Variants in CHRNA6 observed in about 807,000 individuals in gnomAD.
CHRNA6 encodes the protein neuronal acetylcholine receptor subunit alpha-6.
Under a neutral mutation model 40.9 loss-of-function variants are expected in CHRNA6, and 31 were observed. The ratio of observed to expected loss-of-function variants is 0.76; its 90% CI spans 0.57 to 1.02. The LOEUF (loss-of-function observed/expected upper bound fraction) is 1.02, where lower values mean the gene tolerates loss of function less well. Among genes scored for constraint, CHRNA6 ranks in the 50% least tolerant of loss-of-function variants. The pLI is 0.00. For missense variants in CHRNA6, 546 were observed against 596.6 expected (o/e 0.92, Z 0.88); for synonymous variants, 222 against 221.3 (o/e 1.00, Z -0.03).
chr8:42,761,433 G>C (rs1195895833), intron 2 of CHRNA6, among the ~76,000 whole-genome samples: 1 of 152,260 alleles, frequency 6.6e-6, no homozygotes, highest in African/African-American at 2.4e-5. Flanking sequence ...CTCGGTTCCA[G>C]GAAGGCCTTG....
At chr8:42,759,936 G>A (rs577841186) in intron 2 of CHRNA6, among the ~76,000 whole-genome samples, 1 of 151,330 alleles carries the variant, frequency 6.6e-6, no homozygotes, top group African/African-American at 2.4e-5. Context: ...CCACCATGGG[G>A]TTTCCAGCTG....
In CHRNA6 at chr8:42,759,133, C is replaced by A; in HGVS notation, c.220-20G>T. On this transcript the variant is annotated intron_variant, in intron 2 of 5. Coordinates refer to ENST00000276410, the MANE Select transcript of CHRNA6 (RefSeq NM_004198.3). The stretch of plus-strand genomic sequence containing the variant: ...TTCATCCTGGGAAGAAGAAATAATA[C>A]TTTTAGCCTCAAATGTGCTTGCCAT... The A allele has an allele frequency of 3.1e-6, 5 of 1,607,736 alleles. No individual in the cohort carries two copies. Among genetic ancestry groups the A allele is most frequent in the Non-Finnish European group, 3.4e-6 (4 of 1,174,178 alleles).
intron 2 of CHRNA6, among the ~76,000 whole-genome samples, chr8:42,759,847 C>T (rs879930436): frequency 4.7e-5 from 7 of 147,424 alleles, no homozygotes; most frequent in East Asian, 2.0e-4. Context: ...TTGCAGTGAG[C>T]GGAGATCGTG....
rs200609466 is a variant in CHRNA6 at position 42,768,647 on chromosome 8, CTGA to C, written c.-220_-218del. 4,556 of 475,280 alleles carry C rather than the reference CTGA, an allele frequency of 9.6e-3. 38 individuals carry two copies. The highest frequency in any genetic ancestry group is 0.013 in the Non-Finnish European group (3,356 of 263,450). The allele number at this position is 475,280 out of a possible 1,614,324, so 29.4% of individuals were successfully genotyped here. A position where few individuals can be genotyped will look rare whatever the true frequency, so the allele number is the denominator to read the frequency against. On this transcript the variant is annotated 5_prime_UTR_variant, in exon 1 of 6. Transcript: ENST00000276410. Reference sequence around the variant, plus strand: ...GAAGGGCGAATAAAAAAGATTCGATCTGATGTCAGATGAGTCATCACATTTCCT... The same window carrying C: ...GAAGGGCGAATAAAAAAGATTCGATCTGTCAGATGAGTCATCACATTTCCT...
rs201227941 is a variant in CHRNA6, at chr8:42,768,462, G to A, written c.-32C>T. The A allele has an allele frequency of 6.4e-7, 1 of 1,572,826 alleles. No individual in the cohort carries two copies. On this transcript the variant is annotated 5_prime_UTR_variant, in exon 1 of 6. Transcript: ENST00000276410. ...AACACACTTGGATTCCTTTTTCCTA[G>A]GCAAAGGATTGTGGAAAACAAAGAG...
rs980873393 is a variant in CHRNA6 at position 42,753,033 on chromosome 8, G to T, written c.*146C>A. 8 of 667,360 alleles carry T rather than the reference G, an allele frequency of 1.2e-5. No homozygotes were observed. The highest frequency in any genetic ancestry group is 1.7e-5 in the Non-Finnish European group (7 of 401,358). 41.3% of individuals were successfully genotyped at this position (667,360 alleles called of 1,614,324 possible). ...TGGAGGATATTCTGCTTCCTAATGTGCAAGAAAGTCCTCTTTTTCCATGTA... is the reference window on the plus strand; with the variant it reads ...TGGAGGATATTCTGCTTCCTAATGTTCAAGAAAGTCCTCTTTTTCCATGTA... On this transcript the variant is annotated 3_prime_UTR_variant, in exon 6 of 6. Transcript: ENST00000276410.
chr8:42,757,622 A>T (rs1816825200), intron 3 of CHRNA6, among the ~76,000 whole-genome samples: 1 of 149,186 alleles, frequency 6.7e-6, no homozygotes, highest in Non-Finnish European at 1.5e-5. Context: ...AGTCCCAGCT[A>T]CTCCGGAGGC....
In CHRNA6 at chr8:42,756,103, C is replaced by T. The variant is rs1816794688; in HGVS notation, c.1096G>A (p.Gly366Ser). 2.0e-5 allele frequency: 33 copies of T among 1,614,266 alleles called. No individual in the cohort carries two copies. The highest frequency in any genetic ancestry group is 2.8e-5 in the Non-Finnish European group (33 of 1,180,046). ...AGGCCTCTGGGCACTGCATCAGAGC[C>T]TGTGCCCCTTGTCTTGTCCAGAGGC... ...RWPLDKTRGT[G>S]SDAVPRGLAR... Residue 366 changes from glycine to serine, a missense_variant, in exon 5 of 6, where the codon GGC (glycine) becomes AGC (serine). By Grantham distance (56) the Gly-to-Ser change is moderately conservative (BLOSUM62 0). Around this residue, in one of 3 missense-constraint regions of CHRNA6, gnomAD observed 476 missense variants for 494.5 expected, o/e 0.96. Coordinates refer to ENST00000276410, the MANE Select transcript of CHRNA6 (RefSeq NM_004198.3).
chr8:42,760,740 G>A (rs775822630), intron 2 of CHRNA6, among the ~76,000 whole-genome samples: 16 of 152,346 alleles, frequency 1.1e-4, no homozygotes, highest in South Asian at 1.0e-3. Context: ...AGGAGGTAAT[G>A]TTTAAGCAGA....
rs1554594122 is a variant in CHRNA6 at position 42,757,568 on chromosome 8, CA to C, written c.265-532del. Among the ~76,000 whole-genome samples, 625 of 115,110 alleles carry C rather than the reference CA, an allele frequency of 5.4e-3. 1 individual carries two copies. Among genetic ancestry groups the C allele is most frequent in the East Asian group, 0.014 (54 of 3,876 alleles). The allele number at this position is 115,110 out of a possible 152,430, so 75.5% of individuals were successfully genotyped here. A position where few individuals can be genotyped will look rare whatever the true frequency, so the allele number is the denominator to read the frequency against. ...TGAAACCCCATTTTTACTAAAAATA[CA>C]AAAAAAAAAAAAAATTAGCCAGGCA... is the stretch of plus-strand genomic sequence containing the variant. On this transcript the variant is annotated intron_variant, in intron 3 of 5. Coordinates refer to ENST00000276410, the MANE Select transcript of CHRNA6 (RefSeq NM_004198.3).
chr8:42,758,422 G>A (rs1213832060), intron 3 of CHRNA6, among the ~76,000 whole-genome samples: 1 of 151,336 alleles, frequency 6.6e-6, no homozygotes, highest in Non-Finnish European at 1.5e-5. Flanking sequence ...ATGTAGTGGT[G>A]CAATCTCAGC....
At position 42,755,178 on chromosome 8, in the gene CHRNA6, C is replaced by T. The variant is rs567645362; in HGVS notation, c.1353+668G>A. On this transcript the variant is annotated intron_variant, in intron 5 of 5. Transcript: ENST00000276410. ...GGACTACAGGTATGCACCAACACGC[C>T]TGCTAATTTTTTTTTTTTTTTTGGT... Among the ~76,000 whole-genome samples, 5 of 138,854 alleles carry T rather than the reference C, an allele frequency of 3.6e-5. No homozygotes were observed. In the East Asian group the frequency reaches 9.9e-4, roughly 28 times the overall value. 91.1% of individuals were successfully genotyped at this position (138,854 alleles called of 152,430 possible). A position where few individuals can be genotyped will look rare whatever the true frequency, so the allele number is the denominator to read the frequency against.
intron 5 of CHRNA6, among the ~76,000 whole-genome samples, chr8:42,754,382 C>T (rs1816762339): frequency 6.6e-6 from 1 of 152,134 alleles, no homozygotes; most frequent in Non-Finnish European, 1.5e-5. Context: ...GTTGCCCAGG[C>T]TGGTCTCAAA....
intron 5 of CHRNA6, among the ~76,000 whole-genome samples, chr8:42,755,479 G>A (rs1323620569): frequency 6.6e-6 from 1 of 152,160 alleles, no homozygotes; most frequent in Non-Finnish European, 1.5e-5. Flanking sequence ...GTTTCCCCAT[G>A]TTGGCCATGC....
At chr8:42,755,080 G>A (rs1036908221) in intron 5 of CHRNA6, among the ~76,000 whole-genome samples, 9 of 142,134 alleles carry the variant, frequency 6.3e-5, no homozygotes, top group South Asian at 2.2e-4. Flanking sequence ...CTGATCTGTC[G>A]TCTATCTCCC....
chr8:42,753,635 C>T (rs1328542127), intron 5 of CHRNA6, among the ~76,000 whole-genome samples: 1 of 152,188 alleles, frequency 6.6e-6, no homozygotes, highest in African/African-American at 2.4e-5. Context: ...GATCACACCA[C>T]TGCACTCCAG....
Position 42,767,514 on chromosome 8 carries a change from GA to G in CHRNA6, c.79+837del, listed in dbSNP as rs368223392. 9.8e-3 allele frequency among the ~76,000 whole-genome samples: 1,487 copies of G among 151,414 alleles called. 32 individuals carry two copies. Among genetic ancestry groups the G allele is most frequent in the African/African-American group, 0.034 (1,392 of 41,336 alleles). ...TCTCAAAGGGATTTACACATTGAAAGAAAAAAAATGGAAAGGGATTGAAAAG... is the reference window on the plus strand; with the variant it reads ...TCTCAAAGGGATTTACACATTGAAAGAAAAAAATGGAAAGGGATTGAAAAG... On this transcript the variant is annotated intron_variant, in intron 1 of 5. Coordinates refer to ENST00000276410, the MANE Select transcript of CHRNA6 (RefSeq NM_004198.3).
Position 42,756,467 on chromosome 8 carries a change from C to T in CHRNA6, c.732G>A (p.Thr244=), listed in dbSNP as rs146921905. The T allele has an allele frequency of 2.3e-4, 379 of 1,614,138 alleles. No homozygotes were observed. In the African/African-American group the frequency reaches 3.8e-3, roughly 16 times the overall value. The change falls in exon 5 of 6, where the codon ACG becomes ACA. Residue 244 remains threonine, a synonymous_variant. Coordinates refer to ENST00000276410, the MANE Select transcript of CHRNA6 (RefSeq NM_004198.3). ...AGAGACAAGGGATGATCAGATTAAT[C>T]GTGTAAAACATCGGCAATCTTCTAA... ...FYIRRLPMFY[T]INLIIPCLFI...
intron 2 of CHRNA6, among the ~76,000 whole-genome samples, chr8:42,761,519 T>A (rs1401510021): frequency 6.6e-6 from 1 of 152,258 alleles, no homozygotes; most frequent in African/African-American, 2.4e-5. Flanking sequence ...TTCAGAAGGC[T>A]GAGATCAGTT....
Sources: allele counts gnomAD v4.1 joint callset (sites outside exome capture counted in the v4.1 genomes callset), GRCh38; gene constraint gnomAD v4.1.1; regional missense constraint gnomAD v4.1.1; transcripts MANE v1.5; gene names NCBI Gene and HGNC (gene_info 2026-07-23, HGNC 2026-07-21).